Variants in GATA4 observed in about 807,000 individuals in gnomAD.
GATA4 encodes the protein GATA binding protein 4.
A neutral mutation model predicts 37.9 loss-of-function variants in GATA4; 7 were observed. The ratio of observed to expected loss-of-function variants is 0.18; its 90% CI spans 0.11 to 0.35. GATA4 has a LOEUF of 0.35. GATA4 is among the 10% of genes least tolerant of loss of function. GATA4 has a pLI of 1.00. For synonymous variants in GATA4, 372 were observed against 292.6 expected (o/e 1.27, Z -2.77); for missense variants, 647 against 653.0 (o/e 0.99, Z 0.10).
intron 1 of GATA4, among the ~76,000 whole-genome samples, chr8:11,678,744 C>T (rs1482761992): frequency 2.0e-5 from 3 of 152,148 alleles, no homozygotes; most frequent in East Asian, 3.8e-4. Flanking sequence ...GTAAAGGATA[C>T]TTGAAAGTCC....
upstream of GATA4, chr8:11,692,549 T>G (rs984656892): frequency 1.0e-6 from 1 of 985,344 alleles, no homozygotes; most frequent in Non-Finnish European, 1.2e-6. Context: ...AGATTGAATC[T>G]GATCCTTCGG....
chr8:11,717,020 T>TA (rs778479187), intron 2 of GATA4, among the ~76,000 whole-genome samples: 3 of 152,210 alleles, frequency 2.0e-5, no homozygotes, highest in Non-Finnish European at 4.4e-5. Flanking sequence ...TTTGGGAACT[T>TA]ATTTGTCCTA....
chr8:11,743,218 C>T (rs1801845667), intron 2 of GATA4, among the ~76,000 whole-genome samples: 1 of 152,254 alleles, frequency 6.6e-6, no homozygotes, highest in Non-Finnish European at 1.5e-5. Context: ...AGTTGTGCAT[C>T]CCCAGCTAGA....
Position 11,750,132 on chromosome 8 carries a change from C to T in GATA4, c.808C>T (p.Leu270Phe). 6.2e-7 allele frequency: 1 copy of T among 1,614,110 alleles called. No individual in the cohort carries two copies. Among genetic ancestry groups the T allele is most frequent in the Non-Finnish European group, 8.5e-7 (1 of 1,180,046 alleles). ...GCAGTCCGCCTCCCGCCGAGTGGGC[C>T]TCTCCTGTGCCAACTGCCAGACCAC... is the stretch of plus-strand genomic sequence containing the variant. ...RRLSASRRVGLSCANCQTTTT... is the reference protein window; with the variant it reads ...RRLSASRRVGFSCANCQTTTT... The change falls in exon 4 of 7, where the codon CTC becomes TTC. Residue 270 changes from leucine to phenylalanine, a missense_variant. Physicochemically the swap from Leu to Phe is conservative, Grantham distance 22. This residue lies in a region of GATA4 where 56 missense variants were observed against 64.5 expected (regional missense o/e 0.87). Transcript: ENST00000532059.
intron 1 of GATA4, among the ~76,000 whole-genome samples, chr8:11,680,182 C>T (rs574976502): frequency 1.1e-4 from 16 of 152,342 alleles, no homozygotes; most frequent in Admixed American, 1.3e-4. Flanking sequence ...CTAGGCCGCT[C>T]TGGGGCCGCT....
intron 1 of GATA4, chr8:11,680,613 G>T (rs993891370): frequency 1.8e-5 from 18 of 985,242 alleles, no homozygotes; most frequent in Non-Finnish European, 2.2e-5. Flanking sequence ...GGCGGTCGGT[G>T]GCGTGACCTC....
chr8:11,695,174 G>T (rs1400566665), intron 1 of GATA4, among the ~76,000 whole-genome samples: 1 of 152,194 alleles, frequency 6.6e-6, no homozygotes, highest in African/African-American at 2.4e-5. Flanking sequence ...GGGAGGCCGA[G>T]AGGGGTGGAT....
At chr8:11,711,431 T>C (rs1324997972) in intron 2 of GATA4, among the ~76,000 whole-genome samples, 6 of 152,210 alleles carry the variant, frequency 3.9e-5, no homozygotes, top group Admixed American at 3.9e-4. Context: ...TTGGCATTCA[T>C]AGCTTCAGCG....
chr8:11,692,619 G>A (rs1799351749), upstream of GATA4: 9 of 985,366 alleles, frequency 9.1e-6, no homozygotes, highest in Non-Finnish European at 1.1e-5. Context: ...ACCGGCTTCT[G>A]GGGACCCGCG....
Position 11,758,998 on chromosome 8 carries a change from G to A in GATA4, c.*523G>A. ...ACCAAATCTGACTCCAAAATTGTGG[G>A]GTGTGACATACAAGTGACTGAACAC... On this transcript the variant is annotated 3_prime_UTR_variant, in exon 7 of 7. Coordinates refer to ENST00000532059, the MANE Select transcript of GATA4 (RefSeq NM_001308093.3). 4.9e-6 allele frequency: 1 copy of A among 204,334 alleles called. No individual in the cohort carries two copies. Among genetic ancestry groups the A allele is most frequent in the Admixed American group, 5.3e-5 (1 of 19,002 alleles). 12.7% of individuals were successfully genotyped at this position (204,334 alleles called of 1,614,324 possible).
rs1419436107 is a variant in GATA4, at chr8:11,697,934, G to A, written c.-728-2574G>A. 7.1e-6 allele frequency: 7 copies of A among 985,372 alleles called. No homozygotes were observed. The East Asian group carries it at 4.5e-4, about 64-fold the overall frequency. The allele number at this position is 985,372 out of a possible 1,614,324, so 61.0% of individuals were successfully genotyped here. On this transcript the variant is annotated intron_variant, in intron 1 of 2. Coordinates refer to the GATA4 transcript ENST00000526974. The stretch of plus-strand genomic sequence containing the variant: ...GACCCACCAGTCCCCTGATGTGCGC[G>A]TTGAGGTCTTGGGCCTGGCGGCGCT...
chr8:11,719,557 A>C (rs1199515476), intron 2 of GATA4, among the ~76,000 whole-genome samples: 2 of 152,216 alleles, frequency 1.3e-5, no homozygotes, highest in East Asian at 1.9e-4. Context: ...TATTATAGAA[A>C]AATGGAAAAC....
rs12156163 is a variant in GATA4 at position 11,757,260 on chromosome 8, C to T, written c.1149+177C>T. ...GCTGTGTGGTGCCCTCAGGGCCGCA[C>T]GAGGCTAGGGGCATCTGCATCGGGC... On this transcript the variant is annotated intron_variant, in intron 6 of 6. Coordinates refer to ENST00000532059, the MANE Select transcript of GATA4 (RefSeq NM_001308093.3). Among the ~76,000 whole-genome samples, 23,879 of 152,210 alleles carry T rather than the reference C, an allele frequency of 0.16. 2,479 individuals carry two copies. Among genetic ancestry groups the T allele is most frequent in the Non-Finnish European group, 0.23 (15,934 of 67,994 alleles).
intron 1 of GATA4, among the ~76,000 whole-genome samples, chr8:11,705,363 C>G (rs547978940): frequency 6.6e-6 from 1 of 152,320 alleles, no homozygotes; most frequent in South Asian, 2.1e-4. Context: ...AGCGTGCGAC[C>G]GTCCTCCTCG....
chr8:11,710,816 C>A (rs934101681), intron 2 of GATA4, among the ~76,000 whole-genome samples: 2 of 152,014 alleles, frequency 1.3e-5, no homozygotes, highest in African/African-American at 4.8e-5. Context: ...TGAGTTACAT[C>A]CAGCAGTGTA....
chr8:11,676,992 C>T (rs1317948246), exon 1 of GATA4: 2 of 152,306 alleles, frequency 1.3e-5, no homozygotes, highest in African/African-American at 4.8e-5. Flanking sequence ...TGAGAACAGC[C>T]TGGAATCCCT....
chr8:11,718,009 A>G (rs6601604), intron 2 of GATA4, among the ~76,000 whole-genome samples: 93,193 of 152,108 alleles, frequency 0.61, 29,838 homozygotes, highest in Non-Finnish European at 0.71. Context: ...TCCCTTTCCT[A>G]AGAGAAATCT....
At chr8:11,726,128 G>C (rs566284774) in intron 2 of GATA4, among the ~76,000 whole-genome samples, 10 of 152,334 alleles carry the variant, frequency 6.6e-5, no homozygotes, top group Non-Finnish European at 1.2e-4. Context: ...TCACAGAAAA[G>C]ATGCAGCCCG....
intron 1 of GATA4, among the ~76,000 whole-genome samples, chr8:11,683,350 T>C (rs1406630371): frequency 6.6e-6 from 1 of 152,232 alleles, no homozygotes; most frequent in Non-Finnish European, 1.5e-5. Flanking sequence ...CTGCGTATTA[T>C]GCTTGCTGAT....
Sources: gnomAD v4.1 joint callset for allele counts (sites outside exome capture counted in the v4.1 genomes callset) on GRCh38, gnomAD v4.1.1 for gene constraint, gnomAD v4.1.1 regional missense constraint, MANE v1.5 for transcripts, NCBI Gene and HGNC (gene_info 2026-07-23, HGNC 2026-07-21) for gene names.